Variants in CYLD observed in about 807,000 individuals in gnomAD.
CYLD encodes CYLD lysine 63 deubiquitinase.
A neutral mutation model predicts 104.5 loss-of-function variants in CYLD; 26 were observed. The ratio of observed to expected loss-of-function variants is 0.25; its 90% CI spans 0.18 to 0.35. The LOEUF is 0.35. Ranked by LOEUF, CYLD falls within the 10% of genes least tolerant of loss-of-function variation. The pLI, the probability that CYLD is intolerant of heterozygous loss-of-function variation, is 1.00. For missense variants in CYLD, 703 were observed against 1,136.1 expected, an observed-to-expected ratio of 0.62 and a Z score of 5.48; for synonymous variants, 385 against 399.9, an observed-to-expected ratio of 0.96 and a Z score of 0.45.
intron 5 of CYLD, among the ~76,000 whole-genome samples, chr16:50,771,514 T>C (rs965877199): frequency 1.8e-4 from 27 of 152,204 alleles, no homozygotes; most frequent in Non-Finnish European, 7.4e-5. Flanking sequence ...TTCTGTTGGG[T>C]ACTCCCTAGG....
rs777730921 is a variant in CYLD, at chr16:50,779,883, C to T, written c.1357C>T (p.Pro453Ser). The change falls in exon 9 of 19, where the codon CCC becomes TCC. Residue 453 changes from proline to serine, a missense_variant. Pro to Ser is a moderately conservative substitution (Grantham distance 74). Coordinates refer to ENST00000427738, the MANE Select transcript of CYLD (RefSeq NM_001378743.1). Reference protein sequence around the residue: ...QSVMEELNTAPVQESPPLAMP... With the variant: ...QSVMEELNTASVQESPPLAMP... Reference sequence around the variant, plus strand: ...TGTAATGGAAGAGCTAAACACTGCACCCGTCCAAGAGAGTCCACCCTTGGC... The same window carrying T: ...TGTAATGGAAGAGCTAAACACTGCATCCGTCCAAGAGAGTCCACCCTTGGC... 1 of 1,614,136 alleles carries T rather than the reference C, an allele frequency of 6.2e-7. No homozygotes were observed. The highest frequency in any genetic ancestry group is 1.1e-5 in the South Asian group (1 of 91,072).
rs568827731 is a variant in CYLD, at chr16:50,760,838, G to A, written c.913+6414G>A. Among the ~76,000 whole-genome samples the A allele has an allele frequency of 5.3e-5, 8 of 152,230 alleles. No individual in the cohort carries two copies. The South Asian group carries it at 1.5e-3, about 28-fold the overall frequency. ...AAGTGGAGTTGCTTGATGAAAGGGC[G>A]TATGCGTTGGTATTGTTCTGGATAT... On this transcript the variant is annotated intron_variant, in intron 5 of 18. Transcript: ENST00000427738.
At position 50,750,233 on chromosome 16, in the gene CYLD, T is replaced by A. The variant is rs202055404; in HGVS notation, c.504+31T>A. The A allele has an allele frequency of 3.3e-5, 53 of 1,611,542 alleles. No homozygotes were observed. The Middle Eastern group carries it at 8.2e-4, about 25-fold the overall frequency. On this transcript the variant is annotated intron_variant, in intron 3 of 18. Transcript: ENST00000427738. ...TTTGATAAACCATTTTAGTAGTGTG[T>A]TTGTTTGTGTTCATGTGTGTCTGTG...
intron 5 of CYLD, among the ~76,000 whole-genome samples, chr16:50,754,942 T>C (rs868858522): frequency 6.8e-6 from 1 of 147,612 alleles, no homozygotes; most frequent in African/African-American, 2.5e-5. Flanking sequence ...CATATGTATA[T>C]ATACACACAT....
intron 5 of CYLD, among the ~76,000 whole-genome samples, chr16:50,766,573 C>A (rs1382114955): frequency 2.6e-5 from 4 of 152,276 alleles, no homozygotes; most frequent in African/African-American, 9.6e-5. Context: ...ATTCCTCTGA[C>A]AGACTGGGCA....
intron 16 of CYLD, among the ~76,000 whole-genome samples, chr16:50,793,115 T>TAC (rs3064638): frequency 0.088 from 12,832 of 145,046 alleles, 586 homozygotes; most frequent in Non-Finnish European, 0.11. Flanking sequence ...AGGAGCCATA[T>TAC]ACACACACAC....
intron 5 of CYLD, among the ~76,000 whole-genome samples, chr16:50,754,914 T>A (rs1458994418): frequency 6.7e-6 from 1 of 148,784 alleles, no homozygotes; most frequent in Non-Finnish European, 1.5e-5. Flanking sequence ...CACACATATA[T>A]GTATACATAT....
chr16:50,778,433 A>T (rs1205136971), intron 8 of CYLD: 2 of 157,952 alleles, frequency 1.3e-5, no homozygotes, highest in East Asian at 3.7e-4. Context: ...TTGAGATAGA[A>T]ATTAGTCAAA....
At chr16:50,784,542 G>A (rs1227977414) in intron 12 of CYLD, 91 bp downstream of exon 12, 30 of 1,338,236 alleles carry the variant, frequency 2.2e-5, no homozygotes, top group Non-Finnish European at 3.2e-5. Context: ...TTGTCTTCAT[G>A]TAATAAGAGA....
chr16:50,747,133 CCTT>C (rs1596956151), intron 2 of CYLD, among the ~76,000 whole-genome samples: 3 of 152,172 alleles, frequency 2.0e-5, no homozygotes, highest in Admixed American at 6.5e-5. Context: ...ACTGTCTTAA[CCTT>C]CTGCTAGTGA....
chr16:50,796,966 C>T lies in CYLD; in HGVS notation c.*458C>T, dbSNP rs1223965547. On this transcript the variant is annotated 3_prime_UTR_variant, in exon 19 of 19. Transcript: ENST00000427738. ...TTTGGTTTTATTAAGAGTCTACTCT[C>T]AATCCAGTTATTAGAGATGTACTGA... 1 of 293,542 alleles carries T rather than the reference C, an allele frequency of 3.4e-6. No individual in the cohort carries two copies. The highest frequency in any genetic ancestry group is 6.5e-6 in the Non-Finnish European group (1 of 153,630). 18.2% of individuals were successfully genotyped at this position (293,542 alleles called of 1,614,324 possible).
chr16:50,783,993 TTGAC>T (rs1970554608), intron 11 of CYLD: 1 of 316,740 alleles, frequency 3.2e-6, no homozygotes. Context: ...TGTTTGTAAT[TTGAC>T]TGATATTTGT....
chr16:50,748,259 A>G (rs1966359238), intron 2 of CYLD, among the ~76,000 whole-genome samples: 1 of 152,248 alleles, frequency 6.6e-6, no homozygotes, highest in Admixed American at 6.5e-5. Flanking sequence ...TGTTTTCAGC[A>G]GAAAATTAAT....
rs1344277620 is a variant in CYLD, at chr16:50,801,607, C to A, written c.*5099C>A. Reference sequence around the variant, plus strand: ...GAAAGTCTTAGCATCAGATCATAAACATTCATTAAAAGAACTCACATCCCA... The same window carrying A: ...GAAAGTCTTAGCATCAGATCATAAAAATTCATTAAAAGAACTCACATCCCA... On this transcript the variant is annotated 3_prime_UTR_variant, in exon 19 of 19. Transcript: ENST00000427738. 6.0e-5 allele frequency: 14 copies of A among 233,526 alleles called. No individual in the cohort carries two copies. The East Asian group carries it at 8.4e-4, about 14-fold the overall frequency. 14.5% of individuals were successfully genotyped at this position (233,526 alleles called of 1,614,324 possible).
intron 14 of CYLD, among the ~76,000 whole-genome samples, chr16:50,788,209 T>A (rs924820277): frequency 6.6e-5 from 10 of 152,208 alleles, no homozygotes; most frequent in Non-Finnish European, 4.4e-5. Flanking sequence ...TCAAGAAGAC[T>A]GTTTTCTGTC....
intron 4 of CYLD, among the ~76,000 whole-genome samples, chr16:50,752,866 T>G (rs1020979852): frequency 6.6e-6 from 1 of 152,222 alleles, no homozygotes; most frequent in African/African-American, 2.4e-5. Context: ...ATTATACCTG[T>G]GGCACTGAAA....
At position 50,799,399 on chromosome 16, in the gene CYLD, G is replaced by A. The variant is rs955543880; in HGVS notation, c.*2891G>A. ...AAATGTGTCCCATCCCTCACTGTCA[G>A]CTTTATAAAGGAGTTTGACTCCATC... is the stretch of plus-strand genomic sequence containing the variant. On this transcript the variant is annotated 3_prime_UTR_variant, in exon 19 of 19. Transcript: ENST00000427738. 2 of 233,530 alleles carry A rather than the reference G, an allele frequency of 8.6e-6. No individual in the cohort carries two copies. Among genetic ancestry groups the A allele is most frequent in the Non-Finnish European group, 1.7e-5 (2 of 118,016 alleles). The allele number at this position is 233,530 out of a possible 1,614,324, so 14.5% of individuals were successfully genotyped here.
intron 14 of CYLD, 146 bp from the exon 15 acceptor site, chr16:50,791,412 A>T: frequency 1.3e-6 from 1 of 756,304 alleles, no homozygotes. Context: ...CAAATCATTT[A>T]TTTCTCTCTG....
At chr16:50,774,811 T>C (rs1181736685) in intron 5 of CYLD, among the ~76,000 whole-genome samples, 2 of 152,232 alleles carry the variant, frequency 1.3e-5, no homozygotes, top group Non-Finnish European at 2.9e-5. Flanking sequence ...GGGTAACTGA[T>C]ACCGTGGAAG....
Sources: gnomAD v4.1 joint callset for allele counts (sites outside exome capture counted in the v4.1 genomes callset) on GRCh38, gnomAD v4.1.1 for gene constraint, MANE v1.5 for transcripts, NCBI Gene and HGNC (gene_info 2026-07-23, HGNC 2026-07-21) for gene names.